The following GABRG3 variants were observed in gnomAD, a reference collection of about 807,000 sequenced individuals.
GABRG3 encodes gamma-aminobutyric acid type A receptor subunit gamma3.
In GABRG3, 25 loss-of-function variants were observed where a neutral mutation model predicts 48.8. That is an observed-to-expected ratio of 0.51 (90% CI 0.37 to 0.72). The LOEUF (loss-of-function observed/expected upper bound fraction) is 0.72, where lower values mean the gene tolerates loss of function less well. Among genes scored for constraint, GABRG3 ranks in the 30% least tolerant of loss-of-function variants. GABRG3 has a pLI of 0.00. For synonymous variants in GABRG3, 227 were observed against 217.6 expected (o/e 1.04, Z -0.38); for missense variants, 394 against 577.9 (o/e 0.68, Z 3.26).
At chr15:27,176,056 AAAC>A (rs573197421) in intron 3 of GABRG3, among the ~76,000 whole-genome samples, 89 of 152,272 alleles carry the variant, frequency 5.8e-4, no homozygotes, top group Non-Finnish European at 1.1e-3. Flanking sequence ...AGAAAAAAGA[AAAC>A]AAGCCAAAAA....
At chr15:27,350,887 T>TGG (rs1555373853) in intron 5 of GABRG3, among the ~76,000 whole-genome samples, 9 of 151,726 alleles carry the variant, frequency 5.9e-5, no homozygotes, top group South Asian at 2.1e-4. Flanking sequence ...GGTGTGTGTG[T>TGG]GTCGTGTGTG....
At chr15:27,393,862 T>TGGGCTTACGATCTATGCC (rs1887222172) in intron 5 of GABRG3, among the ~76,000 whole-genome samples, 3 of 152,200 alleles carry the variant, frequency 2.0e-5, no homozygotes, top group Non-Finnish European at 4.4e-5. Flanking sequence ...CATTACTGAA[T>TGGGCTTACGATCTATGCC]GGGCTTACGA....
intron 3 of GABRG3, among the ~76,000 whole-genome samples, chr15:27,265,028 A>G (rs1240063714): frequency 6.6e-6 from 1 of 152,156 alleles, no homozygotes; most frequent in Non-Finnish European, 1.5e-5. Flanking sequence ...TCTACAACCA[A>G]AACACCGTTC....
chr15:27,178,598 A>G (rs933022950), intron 3 of GABRG3, among the ~76,000 whole-genome samples: 6 of 152,200 alleles, frequency 3.9e-5, no homozygotes, highest in Non-Finnish European at 8.8e-5. Context: ...ATATACAATA[A>G]CCTTCAGACT....
intron 3 of GABRG3, among the ~76,000 whole-genome samples, chr15:27,218,425 C>T (rs1323255581): frequency 6.6e-6 from 1 of 152,188 alleles, no homozygotes; most frequent in African/African-American, 2.4e-5. Context: ...TCTTTCTGCA[C>T]TTGTTGATTC....
intron 3 of GABRG3, among the ~76,000 whole-genome samples, chr15:27,210,535 A>G (rs1480138661): frequency 6.6e-6 from 1 of 152,162 alleles, no homozygotes; most frequent in Non-Finnish European, 1.5e-5. Flanking sequence ...CCAAATTGAT[A>G]CACAATTGCA....
At position 26,975,418 on chromosome 15, in the gene GABRG3, G is replaced by T. The variant is rs139114256; in HGVS notation, c.54-1584G>T. 1.2e-4 allele frequency among the ~76,000 whole-genome samples: 19 copies of T among 152,098 alleles called. No individual in the cohort carries two copies. Among genetic ancestry groups the T allele is most frequent in the Non-Finnish European group, 2.2e-4 (15 of 68,028 alleles). On this transcript the variant is annotated intron_variant, in intron 1 of 9. Transcript: ENST00000615808. The surrounding 1 kb of genome is among the most constrained non-coding windows in gnomAD (Gnocchi z 4.6). ...CTCAAGAAATAGAGTTATACTTTAA[G>T]ATCAGCCTAGGAAAAACGTAAGTGG...
chr15:27,436,037 G>A (rs759303333), intron 5 of GABRG3, among the ~76,000 whole-genome samples: 3 of 152,160 alleles, frequency 2.0e-5, no homozygotes, highest in Non-Finnish European at 4.4e-5. Flanking sequence ...TATAGATATG[G>A]GGATTAGTCC....
chr15:27,459,557 AC>A (rs1298609506), intron 5 of GABRG3, among the ~76,000 whole-genome samples: 1 of 152,206 alleles, frequency 6.6e-6, no homozygotes, highest in Non-Finnish European at 1.5e-5. Context: ...ATTTTAAAAA[AC>A]ATATCTAATT....
chr15:27,482,792 G>A (rs1052850917), intron 6 of GABRG3, among the ~76,000 whole-genome samples: 1 of 152,144 alleles, frequency 6.6e-6, no homozygotes. Context: ...AAACACTTTG[G>A]GAAACCTCAG....
intron 5 of GABRG3, among the ~76,000 whole-genome samples, chr15:27,460,140 A>G (rs989487184): frequency 3.3e-5 from 5 of 152,248 alleles, no homozygotes; most frequent in Non-Finnish European, 5.9e-5. Flanking sequence ...TAATAGTATT[A>G]TAACCGGAAG....
intron 3 of GABRG3, among the ~76,000 whole-genome samples, chr15:27,193,699 C>T (rs150693881): frequency 0.048 from 7,243 of 152,258 alleles, 226 homozygotes; most frequent in South Asian, 0.077. Context: ...CTCCCTGCTT[C>T]GGCTTGTGCA....
At chr15:27,486,413 G>A (rs775435514) in intron 6 of GABRG3, among the ~76,000 whole-genome samples, 6 of 152,192 alleles carry the variant, frequency 3.9e-5, no homozygotes, top group Non-Finnish European at 7.3e-5. Flanking sequence ...TTTTGAAGTT[G>A]ATTCAGTCTT....
At chr15:27,132,656 C>T (rs1314270145) in intron 3 of GABRG3, among the ~76,000 whole-genome samples, 1 of 150,718 alleles carries the variant, frequency 6.6e-6, no homozygotes, top group African/African-American at 2.4e-5. Context: ...TGTAATGTCT[C>T]TTTCATCTTT....
intron 5 of GABRG3, among the ~76,000 whole-genome samples, chr15:27,405,848 A>G (rs925185195): frequency 2.8e-5 from 4 of 145,114 alleles, no homozygotes; most frequent in African/African-American, 1.1e-4. Context: ...TGATTCTAGG[A>G]CTGGGGGAGG....
intron 5 of GABRG3, among the ~76,000 whole-genome samples, chr15:27,407,959 C>T (rs551987458): frequency 1.3e-5 from 2 of 152,276 alleles, no homozygotes; most frequent in South Asian, 2.1e-4. Flanking sequence ...TTGTGAACCA[C>T]GGACTTTGTG....
intron 3 of GABRG3, among the ~76,000 whole-genome samples, chr15:27,177,375 C>G (rs1413753870): frequency 6.6e-6 from 1 of 152,212 alleles, no homozygotes; most frequent in East Asian, 1.9e-4. Flanking sequence ...CTACATGACT[C>G]TTGAGTGGTA....
At chr15:26,995,729 C>T (rs1353947864) in intron 2 of GABRG3, among the ~76,000 whole-genome samples, 2 of 151,950 alleles carry the variant, frequency 1.3e-5, no homozygotes, top group Non-Finnish European at 2.9e-5. Context: ...AAACTTAATT[C>T]CAATTGAACA....
chr15:27,094,075 A>T (rs1037935016), intron 3 of GABRG3, among the ~76,000 whole-genome samples: 7 of 152,226 alleles, frequency 4.6e-5, no homozygotes, highest in African/African-American at 1.7e-4. Flanking sequence ...AGATGCATAT[A>T]GTTACCCTTA....
Sources: allele counts gnomAD v4.1 joint callset (sites outside exome capture counted in the v4.1 genomes callset), GRCh38; gene constraint gnomAD v4.1.1; non-coding constraint Gnocchi (gnomAD v3.1); transcripts MANE v1.5; gene names NCBI Gene and HGNC (gene_info 2026-07-23, HGNC 2026-07-21).